The following FAM222B variants were observed in gnomAD, a reference collection of about 807,000 sequenced individuals.
FAM222B encodes the protein family with sequence similarity 222 member B.
FAM222B carries 12 observed loss-of-function variants against 38.0 expected under a neutral mutation model. That is an observed-to-expected ratio of 0.32 (90% confidence interval 0.20 to 0.51). FAM222B has a LOEUF of 0.51. Among genes scored for constraint, FAM222B ranks in the 20% least tolerant of loss-of-function variants. The pLI is 0.97. For synonymous variants in FAM222B, 329 were observed against 317.2 expected, an observed-to-expected ratio of 1.04 and a Z score of -0.40; for missense variants, 716 against 754.2, an observed-to-expected ratio of 0.95 and a Z score of 0.59.
chr17:28,796,059 G>T (rs1192456373), intron 1 of FAM222B, among the ~76,000 whole-genome samples: 1 of 152,132 alleles, frequency 6.6e-6, no homozygotes, highest in Non-Finnish European at 1.5e-5. Flanking sequence ...TCTAAAAGAG[G>T]CCTGGAAAAA....
intron 1 of FAM222B, among the ~76,000 whole-genome samples, chr17:28,817,371 C>T (rs1333374792): frequency 6.6e-6 from 1 of 151,500 alleles, no homozygotes; most frequent in African/African-American, 2.4e-5. Context: ...CGATATCGCA[C>T]CACTGAACTC....
chr17:28,766,995 G>A (rs2035362640), intron 1 of FAM222B: 1 of 276,874 alleles, frequency 3.6e-6, no homozygotes, highest in Non-Finnish European at 7.0e-6. Flanking sequence ...CATTTATAAT[G>A]TCTCAGTATT....
intron 2 of FAM222B, among the ~76,000 whole-genome samples, chr17:28,761,605 G>T (rs1315754479): frequency 1.3e-5 from 2 of 152,194 alleles, no homozygotes; most frequent in Non-Finnish European, 2.9e-5. Flanking sequence ...AATGGGTACA[G>T]CTCTCTTTGT....
intron 1 of FAM222B, among the ~76,000 whole-genome samples, chr17:28,790,883 A>AAATTTTTTTTT (rs1567838640): frequency 1.0e-3 from 9 of 8,906 alleles, no homozygotes; most frequent in African/African-American, 4.8e-3. Flanking sequence ...AAATTGTTTC[A>AAATTTTTTTTT]CTTTTTTTTT....
intron 1 of FAM222B, among the ~76,000 whole-genome samples, chr17:28,816,201 C>A (rs1435792588): frequency 1.3e-5 from 2 of 151,762 alleles, no homozygotes; most frequent in Non-Finnish European, 2.9e-5. Flanking sequence ...TGCTTGAACC[C>A]AGGAGGCAGA....
At chr17:28,791,233 CA>C (rs1326518640) in intron 1 of FAM222B, among the ~76,000 whole-genome samples, 2 of 151,642 alleles carry the variant, frequency 1.3e-5, no homozygotes, top group African/African-American at 4.8e-5. Context: ...TAAAAAAATA[CA>C]AGGTTGAAGT....
intron 1 of FAM222B, among the ~76,000 whole-genome samples, chr17:28,779,176 A>T (rs557996235): frequency 1.3e-5 from 2 of 152,082 alleles, no homozygotes; most frequent in African/African-American, 4.8e-5. Flanking sequence ...ACACTTCCAA[A>T]CTCATTTTAC....
intron 1 of FAM222B, among the ~76,000 whole-genome samples, chr17:28,812,760 T>A (rs2037844911): frequency 1.3e-5 from 2 of 151,614 alleles, no homozygotes; most frequent in Non-Finnish European, 2.9e-5. Flanking sequence ...TCTGTCCCCT[T>A]GTCCCCTCCC....
intron 1 of FAM222B, among the ~76,000 whole-genome samples, chr17:28,778,719 A>ATATAT (rs1411311023): frequency 3.9e-5 from 1 of 25,494 alleles, no homozygotes; most frequent in African/African-American, 1.5e-4. Flanking sequence ...ATATATATAT[A>ATATAT]TTTTTTTTTT....
At chr17:28,850,393 C>G (rs2039173000) in intron 1 of FAM222B, among the ~76,000 whole-genome samples, 1 of 151,960 alleles carries the variant, frequency 6.6e-6, no homozygotes, top group African/African-American at 2.4e-5. Context: ...GCCCCGCTTC[C>G]TGGGTTCACG....
chr17:28,808,735 C>T (rs1597983964), intron 1 of FAM222B, among the ~76,000 whole-genome samples: 1 of 152,200 alleles, frequency 6.6e-6, no homozygotes, highest in Non-Finnish European at 1.5e-5. Flanking sequence ...AGCTGAAAAG[C>T]TAAAAACTAC....
chr17:28,852,836 C>T (rs2039191904), intron 1 of FAM222B, among the ~76,000 whole-genome samples: 2 of 152,018 alleles, frequency 1.3e-5, no homozygotes, highest in African/African-American at 4.8e-5. Flanking sequence ...GGCAGAGGAT[C>T]ACTTGAGGCA....
chr17:28,759,659 G>A lies in FAM222B; in HGVS notation c.300C>T (p.Gly100=), dbSNP rs2034965055. The change falls in exon 3 of 3, where the codon GGC becomes GGT. Residue 100 remains glycine, a synonymous_variant. Transcript: ENST00000581407. This position sits in a 1 kb window ranked among gnomAD's most constrained non-coding sequence, Gnocchi z 4.8. ...PYPTQAATKA[G]LLAIVKVPAK... is the part of the protein sequence containing the mutation. ...CTGGCACTTTGACAATGGCAAGCAGGCCTGCCTTGGTGGCAGCCTGTGTCG... is the reference window on the plus strand; with the variant it reads ...CTGGCACTTTGACAATGGCAAGCAGACCTGCCTTGGTGGCAGCCTGTGTCG... 1 of 1,613,236 alleles carries A rather than the reference G, an allele frequency of 6.2e-7. No individual in the cohort carries two copies. Among genetic ancestry groups the A allele is most frequent in the Admixed American group, 1.7e-5 (1 of 59,886 alleles).
rs78344887 is a variant in FAM222B, at chr17:28,765,685, G to C, written c.82+901C>G. Among the ~76,000 whole-genome samples, 96 of 152,332 alleles carry C rather than the reference G, an allele frequency of 6.3e-4. No homozygotes were observed. The East Asian group carries it at 0.016, about 26-fold the overall frequency. ...TATTACAGGGAGAGAAGGTAGGAAG[G>C]AGTCCGGGAAAATATGAAGTATAAA... On this transcript the variant is annotated intron_variant, in intron 2 of 2. Coordinates refer to ENST00000581407, the MANE Select transcript of FAM222B (RefSeq NM_001077498.3).
intron 1 of FAM222B, among the ~76,000 whole-genome samples, chr17:28,783,695 G>C (rs2036262692): frequency 6.6e-6 from 1 of 152,120 alleles, no homozygotes; most frequent in African/African-American, 2.4e-5. Context: ...ATCTTTAGTA[G>C]AGACAGGGTT....
upstream of FAM222B, among the ~76,000 whole-genome samples, chr17:28,847,093 C>T (rs543003552): frequency 2.0e-5 from 3 of 151,476 alleles, no homozygotes; most frequent in African/African-American, 4.8e-5. Flanking sequence ...CATGGTGGAA[C>T]ATGCCTGTGA....
At chr17:28,840,084 A>G (rs1283432175) in intron 1 of FAM222B, among the ~76,000 whole-genome samples, 1 of 152,076 alleles carries the variant, frequency 6.6e-6, no homozygotes, top group Non-Finnish European at 1.5e-5. Context: ...TACTTTAGAA[A>G]CCATTTTCTC....
At chr17:28,805,960 G>A (rs893250476) in intron 1 of FAM222B, among the ~76,000 whole-genome samples, 13 of 152,044 alleles carry the variant, frequency 8.6e-5, no homozygotes, top group African/African-American at 3.1e-4. Context: ...TGACCAACAT[G>A]GAGAAACCCC....
rs1409214286 is a variant in FAM222B, at chr17:28,829,231, T to G, written c.-41+13451A>C. Among the ~76,000 whole-genome samples the G allele has an allele frequency of 1.2e-4, 14 of 118,164 alleles. No homozygotes were observed. In the South Asian group the frequency reaches 1.4e-3, roughly 12 times the overall value. 77.5% of individuals were successfully genotyped at this position (118,164 alleles called of 152,430 possible). On this transcript the variant is annotated intron_variant, in intron 1 of 2. Coordinates refer to ENST00000581407, the MANE Select transcript of FAM222B (RefSeq NM_001077498.3). The stretch of plus-strand genomic sequence containing the variant: ...CCTCTCTCTACTCTTTTTTTTTTTT[T>G]GAGACGTGGTTTCACTCTTGTTGCC...
Sources: allele counts gnomAD v4.1 joint callset (sites outside exome capture counted in the v4.1 genomes callset), GRCh38; gene constraint gnomAD v4.1.1; non-coding constraint Gnocchi (gnomAD v3.1); transcripts MANE v1.5; gene names NCBI Gene and HGNC (gene_info 2026-07-23, HGNC 2026-07-21).